Variants in RBM12 observed in about 807,000 individuals in gnomAD.
RBM12 encodes the protein RNA binding motif protein 12.
RBM12 carries 24 observed loss-of-function variants against 37.2 expected under a neutral mutation model. That is an observed-to-expected ratio of 0.65 (90% CI 0.47 to 0.91). RBM12 has a LOEUF of 0.91. Ranked by LOEUF, RBM12 falls within the 40% of genes least tolerant of loss-of-function variation. RBM12 has a pLI of 0.00. For missense variants in RBM12, 1,061 were observed against 1,183.2 expected (o/e 0.90, Z 1.52); for synonymous variants, 420 against 425.2 (o/e 0.99, Z 0.15).
In RBM12 at chr20:35,652,570, T is replaced by C. The variant is rs1189366788; in HGVS notation, c.2753A>G (p.Asn918Ser). The stretch of plus-strand genomic sequence containing the variant: ...TTTTCTTGAACCTATAGGCCTGTCA[T>C]TTAAGTCAATGACAGCAGCTGTGGC... The part of the protein sequence containing the change: ...DEATAAVIDL[N>S]DRPIGSRKVK... Residue 918 changes from asparagine to serine, a missense_variant, in exon 3 of 3, where the codon AAT (asparagine) becomes AGT (serine). Asn to Ser is a conservative substitution (Grantham distance 46). Transcript: ENST00000374114. The C allele has an allele frequency of 6.2e-6, 10 of 1,614,172 alleles. No individual in the cohort carries two copies. The highest frequency in any genetic ancestry group is 8.5e-6 in the Non-Finnish European group (10 of 1,180,024).
In RBM12 at chr20:35,654,577, G is replaced by A. The variant is rs199976167; in HGVS notation, c.746C>T (p.Pro249Leu). ...PPMSGMPPLN[P>L]PPVAPLPAGM... ...AGCAGGTAGAGGTGCCACAGGTGGCGGATTCAAGGGCGGCATGCCCGACAT... is the reference window on the plus strand; with the variant it reads ...AGCAGGTAGAGGTGCCACAGGTGGCAGATTCAAGGGCGGCATGCCCGACAT... The change falls in exon 3 of 3, where the codon CCG (proline) becomes CTG (leucine). Residue 249 changes from proline (P) to leucine (L), a missense_variant. Transcript: ENST00000374114. 2.7e-5 allele frequency: 43 copies of A among 1,614,082 alleles called. No homozygotes were observed. The highest frequency in any genetic ancestry group is 1.7e-5 in the Admixed American group (1 of 59,996).
In RBM12 at chr20:35,653,947, C is replaced by G. The variant is rs780082001; in HGVS notation, c.1376G>C (p.Ser459Thr). 1.2e-6 allele frequency: 2 copies of G among 1,614,138 alleles called. No homozygotes were observed. The highest frequency in any genetic ancestry group is 1.7e-6 in the Non-Finnish European group (2 of 1,180,026). The change falls in exon 3 of 3, where the codon AGT (serine) becomes ACT (threonine). Residue 459 changes from serine to threonine, a missense_variant. Transcript: ENST00000374114. ...ATTGGGTCCATAAGCTATATAAATA[C>G]TATCTTCCACAATATCCAGCTTTTT... ...FFKKLDIVED[S>T]IYIAYGPNGK... is the part of the protein sequence containing the mutation.
chr20:35,664,516 A>C (rs6121021), intron 1 of RBM12: 10,278 of 152,290 alleles, frequency 0.067, 429 homozygotes, highest in South Asian at 0.18. Context: ...ACCACGGGGG[A>C]GTCCTCGCTA....
At position 35,650,551 on chromosome 20, in the gene RBM12, CAG is replaced by C. The variant is rs2033431352; in HGVS notation, c.*1971_*1972del. 1 of 152,544 alleles carries C rather than the reference CAG, an allele frequency of 6.6e-6. No homozygotes were observed. Among genetic ancestry groups the C allele is most frequent in the African/African-American group, 2.4e-5 (1 of 41,430 alleles). The allele number at this position is 152,544 out of a possible 1,614,324, so 9.4% of individuals were successfully genotyped here. A position where few individuals can be genotyped will look rare whatever the true frequency, so the allele number is the denominator to read the frequency against. On this transcript the variant is annotated 3_prime_UTR_variant, in exon 3 of 3. Coordinates refer to ENST00000374114, the MANE Select transcript of RBM12 (RefSeq NM_006047.6). The stretch of plus-strand genomic sequence containing the variant: ...TTACTTAACATTAACTTAAATTAAA[CAG>C]CATATACAAACGTTATATTGCTTTT...
chr20:35,652,638 C>T lies in RBM12; in HGVS notation c.2685G>A (p.Met895Ile). The change falls in exon 3 of 3, where the codon ATG becomes ATA. Residue 895 changes from methionine (M) to isoleucine (I), a missense_variant. Met to Ile is a conservative substitution (Grantham distance 10). Around this residue, in one of 3 missense-constraint regions of RBM12, gnomAD observed 517 missense variants for 534.0 expected, o/e 0.97. Coordinates refer to ENST00000374114, the MANE Select transcript of RBM12 (RefSeq NM_006047.6). ...SVCLKYNEKGMPTGEAMVAFE... is the reference protein window; with the variant it reads ...SVCLKYNEKGIPTGEAMVAFE... ...AGGCCACCATGGCTTCACCTGTGGGCATACCTTTTTCATTGTATTTTAAAC... is the reference window on the plus strand; with the variant it reads ...AGGCCACCATGGCTTCACCTGTGGGTATACCTTTTTCATTGTATTTTAAAC... 6.2e-7 allele frequency: 1 copy of T among 1,614,178 alleles called. No individual in the cohort carries two copies. Among genetic ancestry groups the T allele is most frequent in the Non-Finnish European group, 8.5e-7 (1 of 1,180,006 alleles).
In RBM12 at chr20:35,654,890, T is replaced by C; in HGVS notation, c.433A>G (p.Lys145Glu). 6.2e-7 allele frequency: 1 copy of C among 1,614,154 alleles called. No homozygotes were observed. Among genetic ancestry groups the C allele is most frequent in the Non-Finnish European group, 8.5e-7 (1 of 1,179,986 alleles). Residue 145 changes from lysine to glutamate, a missense_variant, in exon 3 of 3, where the codon AAA becomes GAA. This residue lies in a region of RBM12 where 540 missense variants were observed against 632.7 expected (regional missense o/e 0.85). Coordinates refer to ENST00000374114, the MANE Select transcript of RBM12 (RefSeq NM_006047.6). The stretch of plus-strand genomic sequence containing the variant: ...GCTGTGGAAAATGTCTGTATGTTTT[T>C]GTTGCTTTCATGAACAGAAGTGGTG... ...TATTSVHESN[K>E]NIQTFSTASV...
intron 2 of RBM12, among the ~76,000 whole-genome samples, chr20:35,657,636 G>C (rs17092945): frequency 6.6e-6 from 1 of 152,152 alleles, no homozygotes; most frequent in Non-Finnish European, 1.5e-5. Context: ...GTACACATGA[G>C]AATATGCTAT....
Position 35,652,898 on chromosome 20 carries a change from G to A in RBM12, c.2425C>T (p.Pro809Ser). The change falls in exon 3 of 3, where the codon CCT (proline) becomes TCT (serine). Residue 809 changes from proline (P) to serine (S), a missense_variant. Pro to Ser is a moderately conservative substitution (Grantham distance 74, BLOSUM62 -1). Coordinates refer to ENST00000374114, the MANE Select transcript of RBM12 (RefSeq NM_006047.6). ...LGGPPGFGSG[P>S]PGLGSAPGHL... ...CCAGGGGCACTTCCAAGACCAGGAG[G>A]GCCACTTCCAAACCCCGGGGGACCG... The A allele has an allele frequency of 6.2e-7, 1 of 1,613,656 alleles. No homozygotes were observed. The highest frequency in any genetic ancestry group is 8.5e-7 in the Non-Finnish European group (1 of 1,179,984).
rs148065643 is a variant in RBM12 at position 35,653,704 on chromosome 20, T to C, written c.1619A>G (p.Asn540Ser). The C allele has an allele frequency of 2.1e-5, 34 of 1,614,062 alleles. No individual in the cohort carries two copies. Among genetic ancestry groups the C allele is most frequent in the Non-Finnish European group, 2.7e-5 (32 of 1,180,032 alleles). ...TATGTGGGCACAGACTTTGGCAGAG[T>C]TGACATCCCCCTCTGGATTTAGTAT... The part of the protein sequence containing the change: ...EMILNPEGDV[N>S]SAKVCAHITN... The change falls in exon 3 of 3, where the codon AAC becomes AGC. Residue 540 changes from asparagine to serine, a missense_variant. By Grantham distance (46) the Asn-to-Ser change is conservative. Around this residue, in one of 3 missense-constraint regions of RBM12, gnomAD observed 517 missense variants for 534.0 expected, o/e 0.97. Transcript: ENST00000374114.
In RBM12 at chr20:35,649,147, A is replaced by C. The variant is rs926498427; in HGVS notation, c.*3377T>G. 1 of 152,422 alleles carries C rather than the reference A, an allele frequency of 6.6e-6. No individual in the cohort carries two copies. Among genetic ancestry groups the C allele is most frequent in the Non-Finnish European group, 1.5e-5 (1 of 68,040 alleles). The allele number at this position is 152,422 out of a possible 1,614,324, so 9.4% of individuals were successfully genotyped here. On this transcript the variant is annotated 3_prime_UTR_variant, in exon 3 of 3. Transcript: ENST00000374114. The stretch of plus-strand genomic sequence containing the variant: ...GCCAGTAAAACAATTTAAATGTGGC[A>C]ATTTTGCAAGGGTGGAAAATAATTT...
Position 35,652,812 on chromosome 20 carries a change from T to TGGGCCA in RBM12, c.2505_2510dup (p.Gly836_Pro837dup), listed in dbSNP as rs569323785. 1.3e-3 allele frequency: 2,069 copies of TGGGCCA among 1,587,804 alleles called. 42 individuals are homozygous for TGGGCCA. The Admixed American group carries it at 0.032, about 24-fold the overall frequency. On this transcript the variant is annotated inframe_insertion, in exon 3 of 3. Coordinates refer to ENST00000374114, the MANE Select transcript of RBM12 (RefSeq NM_006047.6). Reference sequence around the variant, plus strand: ...AGCCAGGGGGACCACCAATATGGATTGGGCCAGGGCCGGGGCCGGGGCCGG... The same window carrying TGGGCCA: ...AGCCAGGGGGACCACCAATATGGATTGGGCCAGGGCCAGGGCCGGGGCCGGGGCCGG...
intron 1 of RBM12, among the ~76,000 whole-genome samples, chr20:35,663,461 C>G (rs1437277927): frequency 1.3e-5 from 2 of 152,210 alleles, no homozygotes; most frequent in African/African-American, 4.8e-5. Context: ...CCTAGCCTCT[C>G]CCTTCAACAA....
intron 2 of RBM12, among the ~76,000 whole-genome samples, chr20:35,657,262 C>T (rs985680313): frequency 1.3e-5 from 2 of 152,224 alleles, no homozygotes; most frequent in Non-Finnish European, 2.9e-5. Context: ...CCAACAGTCT[C>T]TTTTCTCATT....
rs776139818 is a variant in RBM12, at chr20:35,654,932, G to A, written c.391C>T (p.Pro131Ser). ...GAAGTGGTGGCAGTAACTACACTGGGTGATGGATTATTAAAGTTGGATACT... is the reference window on the plus strand; with the variant it reads ...GAAGTGGTGGCAGTAACTACACTGGATGATGGATTATTAAAGTTGGATACT... ...TTVSNFNNPS[P>S]SVVTATTSVH... The change falls in exon 3 of 3, where the codon CCC becomes TCC. Residue 131 changes from proline to serine, a missense_variant. Pro to Ser is a moderately conservative substitution (Grantham distance 74, BLOSUM62 -1). Coordinates refer to ENST00000374114, the MANE Select transcript of RBM12 (RefSeq NM_006047.6). 6 of 1,614,012 alleles carry A rather than the reference G, an allele frequency of 3.7e-6. No individual in the cohort carries two copies. The Admixed American group carries it at 5.0e-5, about 13-fold the overall frequency.
chr20:35,655,423 AC>A, intron 2 of RBM12, 79 bp from the exon 3 acceptor site: 1 of 1,229,878 alleles, frequency 8.1e-7, no homozygotes, highest in Non-Finnish European at 1.1e-6. Flanking sequence ...ATGACCAGCT[AC>A]CATATTAGGC....
rs1033685293 is a variant in RBM12, at chr20:35,650,274, G to A, written c.*2250C>T. 18 of 152,082 alleles carry A rather than the reference G, an allele frequency of 1.2e-4. No individual in the cohort carries two copies. The highest frequency in any genetic ancestry group is 9.8e-4 in the Admixed American group (15 of 15,264). 9.4% of individuals were successfully genotyped at this position (152,082 alleles called of 1,614,324 possible). ...ATTTAATTAGATGAACAATGAAATC[G>A]TTTTCCTTTTCAGCATTTATCTAAG... On this transcript the variant is annotated 3_prime_UTR_variant, in exon 3 of 3. Coordinates refer to ENST00000374114, the MANE Select transcript of RBM12 (RefSeq NM_006047.6).
intron 2 of RBM12, among the ~76,000 whole-genome samples, chr20:35,657,689 TA>T (rs2033979729): frequency 1.3e-5 from 2 of 152,228 alleles, no homozygotes; most frequent in African/African-American, 4.8e-5. Flanking sequence ...GGCTGAATAT[TA>T]AACCAAAGTG....
rs75661489 is a variant in RBM12, at chr20:35,650,903, T to G, written c.*1621A>C. On this transcript the variant is annotated 3_prime_UTR_variant, in exon 3 of 3. Transcript: ENST00000374114. ...ACCCCTTTGTAACTACGCTGATTTG[T>G]AGGAAATGTTGGGGATGTTTCAAAC... 2.1e-3 allele frequency: 326 copies of G among 152,714 alleles called. 3 individuals are homozygous for G. The highest frequency in any genetic ancestry group is 0.017 in the East Asian group (88 of 5,186). 9.5% of individuals were successfully genotyped at this position (152,714 alleles called of 1,614,324 possible). A position where few individuals can be genotyped will look rare whatever the true frequency, so the allele number is the denominator to read the frequency against.
intron 1 of RBM12, among the ~76,000 whole-genome samples, chr20:35,664,084 C>G (rs6121020): frequency 6.6e-6 from 1 of 151,880 alleles, no homozygotes; most frequent in Admixed American, 6.6e-5. Flanking sequence ...ACCCCCTCAC[C>G]TCCTAGCTTC....
Sources: gnomAD v4.1 joint callset for allele counts (sites outside exome capture counted in the v4.1 genomes callset) on GRCh38, gnomAD v4.1.1 for gene constraint, gnomAD v4.1.1 regional missense constraint, MANE v1.5 for transcripts, NCBI Gene and HGNC (gene_info 2026-07-23, HGNC 2026-07-21) for gene names.